MRTFB: variants seen among roughly 807,000 people sequenced by gnomAD.
MRTFB encodes myocardin-related transcription factor B.
A neutral mutation model predicts 104.2 loss-of-function variants in MRTFB; 29 were observed. That is an observed-to-expected ratio of 0.28 (90% CI 0.21 to 0.38). The LOEUF (loss-of-function observed/expected upper bound fraction) is 0.38. Ranked by LOEUF, MRTFB falls within the 10% of genes least tolerant of loss-of-function variation. The pLI is 1.00. For missense variants in MRTFB, 1,270 were observed against 1,341.6 expected, an observed-to-expected ratio of 0.95 and a Z score of 0.83; for synonymous variants, 535 against 519.5, an observed-to-expected ratio of 1.03 and a Z score of -0.41.
chr16:14,013,774 T>C, the MRTFB span, among the ~76,000 whole-genome samples: 1 of 152,212 alleles, frequency 6.6e-6, no homozygotes, highest in Non-Finnish European at 1.5e-5. Flanking sequence ...CTTCAGATTA[T>C]GCCTGGGATA....
chr16:14,106,414 A>C (rs554873796), intron 2 of MRTFB, among the ~76,000 whole-genome samples: 1 of 152,224 alleles, frequency 6.6e-6, no homozygotes, highest in African/African-American at 2.4e-5. Flanking sequence ...TCAAATCACT[A>C]TACTTCTTAC....
At chr16:14,130,108 G>C (rs929562453) in intron 2 of MRTFB, among the ~76,000 whole-genome samples, 8 of 152,176 alleles carry the variant, frequency 5.3e-5, no homozygotes, top group African/African-American at 1.9e-4. Flanking sequence ...TGGGATTACT[G>C]GTGTGAGCCA....
At chr16:14,179,094 ATGAAG>A (rs1183444347) in intron 3 of MRTFB, among the ~76,000 whole-genome samples, 1 of 152,260 alleles carries the variant, frequency 6.6e-6, no homozygotes, top group Non-Finnish European at 1.5e-5. Flanking sequence ...ACAATTATAA[ATGAAG>A]TGTAAACTCC....
At chr16:14,055,071 G>T in the MRTFB span, among the ~76,000 whole-genome samples, 1 of 152,206 alleles carries the variant, frequency 6.6e-6, no homozygotes, top group Non-Finnish European at 1.5e-5. Context: ...TAACATGGAG[G>T]CCAGGTGTGG....
intron 2 of MRTFB, among the ~76,000 whole-genome samples, chr16:14,121,442 C>T (rs1163374030): frequency 6.6e-6 from 1 of 152,102 alleles, no homozygotes; most frequent in African/African-American, 2.4e-5. Context: ...TGTCACGATG[C>T]TCCAAATGTT....
rs1177727016 is a variant in MRTFB at position 14,262,735 on chromosome 16, C to A, written c.*1291C>A. The A allele has an allele frequency of 1.3e-5, 2 of 152,150 alleles. No homozygotes were observed. The highest frequency in any genetic ancestry group is 2.9e-5 in the Non-Finnish European group (2 of 68,026). 9.4% of individuals were successfully genotyped at this position (152,150 alleles called of 1,614,324 possible). ...CATTTCTTAAGAATTTTCTAAAATG[C>A]CAACTATCACAGGATTATTTCAAGC... On this transcript the variant is annotated 3_prime_UTR_variant, in exon 17 of 17. Coordinates refer to ENST00000571589, the MANE Select transcript of MRTFB (RefSeq NM_001308142.2).
At chr16:14,198,958 G>C (rs898728589) in intron 3 of MRTFB, among the ~76,000 whole-genome samples, 19 of 151,840 alleles carry the variant, frequency 1.3e-4, no homozygotes, top group African/African-American at 4.6e-4. Context: ...CCTCTCTTTT[G>C]CTCTTCATCA....
At chr16:14,232,123 T>G (rs2042295089) in intron 8 of MRTFB, among the ~76,000 whole-genome samples, 1 of 152,248 alleles carries the variant, frequency 6.6e-6, no homozygotes, top group South Asian at 2.1e-4. Flanking sequence ...GCTCTCAGAT[T>G]CATCACACTA....
intron 13 of MRTFB, among the ~76,000 whole-genome samples, chr16:14,249,638 A>G (rs1567219087): frequency 6.6e-6 from 1 of 152,316 alleles, no homozygotes; most frequent in East Asian, 1.9e-4. Context: ...CATCTTTAAA[A>G]TGAAGTTGGT....
intron 8 of MRTFB, among the ~76,000 whole-genome samples, chr16:14,224,790 G>C (rs978190565): frequency 2.0e-5 from 3 of 152,200 alleles, no homozygotes; most frequent in African/African-American, 7.2e-5. Flanking sequence ...AACAAAAGCA[G>C]AGGTAGTTTA....
chr16:14,174,048 T>C (rs536411233), intron 3 of MRTFB, among the ~76,000 whole-genome samples: 2 of 152,340 alleles, frequency 1.3e-5, no homozygotes, highest in South Asian at 2.1e-4. Context: ...TTTTTTACTT[T>C]ATGGAACTTG....
chr16:14,113,008 C>G (rs78476150), intron 2 of MRTFB, among the ~76,000 whole-genome samples: 2,601 of 152,274 alleles, frequency 0.017, 84 homozygotes, highest in African/African-American at 0.059. Flanking sequence ...GCAGAAATTT[C>G]TGTCTAGGTT....
At chr16:14,249,288 G>C (rs2043157482) in intron 13 of MRTFB, among the ~76,000 whole-genome samples, 1 of 152,186 alleles carries the variant, frequency 6.6e-6, no homozygotes, top group African/African-American at 2.4e-5. Context: ...TTTCATTACT[G>C]AAAGATAGCT....
At chr16:14,114,052 T>C (rs1327378165) in intron 2 of MRTFB, among the ~76,000 whole-genome samples, 1 of 152,216 alleles carries the variant, frequency 6.6e-6, no homozygotes, top group Admixed American at 6.5e-5. Context: ...TTTGGATCTT[T>C]AGGGTCAAGT....
In MRTFB at chr16:14,252,012, A is replaced by C. The variant is rs2043276322; in HGVS notation, c.2554A>C (p.Thr852Pro). 3 of 1,614,054 alleles carry C rather than the reference A, an allele frequency of 1.9e-6. No individual in the cohort carries two copies. Among genetic ancestry groups the C allele is most frequent in the Non-Finnish European group, 2.5e-6 (3 of 1,179,990 alleles). The change falls in exon 14 of 17, where the codon ACA becomes CCA. Residue 852 changes from threonine to proline, a missense_variant. Coordinates refer to ENST00000571589, the MANE Select transcript of MRTFB (RefSeq NM_001308142.2). ...TCCATCCCTGCAAAATGGACCTAAC[A>C]CACCCAACAAGGTAACCCTGTGAGG... ...PLPSLQNGPNTPNKPSSPPPP... is the reference protein window; with the variant it reads ...PLPSLQNGPNPPNKPSSPPPP...
chr16:13,999,097 C>T, the MRTFB span, among the ~76,000 whole-genome samples: 5 of 148,474 alleles, frequency 3.4e-5, no homozygotes, highest in African/African-American at 9.9e-5. Flanking sequence ...GGTTGAGGCA[C>T]GAGAATCACT....
intron 3 of MRTFB, among the ~76,000 whole-genome samples, chr16:14,182,080 G>A (rs2039788609): frequency 6.6e-6 from 1 of 152,228 alleles, no homozygotes; most frequent in African/African-American, 2.4e-5. Flanking sequence ...TGAAGATGAT[G>A]TACCACATAT....
intron 10 of MRTFB, among the ~76,000 whole-genome samples, chr16:14,242,834 T>G (rs1034302102): frequency 6.6e-6 from 1 of 152,188 alleles, no homozygotes; most frequent in African/African-American, 2.4e-5. Flanking sequence ...ACTGTTCATT[T>G]TAATAGGTAG....
chr16:14,156,912 A>G (rs1237269120), intron 3 of MRTFB, among the ~76,000 whole-genome samples: 1 of 152,174 alleles, frequency 6.6e-6, no homozygotes, highest in African/African-American at 2.4e-5. Context: ...TAATAGATCT[A>G]TCACGGGTGC....
Sources: allele counts gnomAD v4.1 joint callset (sites outside exome capture counted in the v4.1 genomes callset), GRCh38; gene constraint gnomAD v4.1.1; transcripts MANE v1.5; gene names NCBI Gene and HGNC (gene_info 2026-07-23, HGNC 2026-07-21).